ICA1: variants seen among roughly 807,000 people sequenced by gnomAD.
ICA1 encodes 69 kDa islet cell autoantigen.
A neutral mutation model predicts 71.0 loss-of-function variants in ICA1; 40 were observed. The ratio of observed to expected loss-of-function variants is 0.56; its 90% CI spans 0.44 to 0.73. The LOEUF (loss-of-function observed/expected upper bound fraction) is 0.73, where lower values mean the gene tolerates loss of function less well. ICA1 is among the 30% of genes least tolerant of loss of function. The pLI is 0.00. For synonymous variants in ICA1, 207 were observed against 209.5 expected, an observed-to-expected ratio of 0.99 and a Z score of 0.10; for missense variants, 578 against 576.5, an observed-to-expected ratio of 1.00 and a Z score of -0.03.
chr7:8,134,640 C>A (rs116210118), intron 12 of ICA1, among the ~76,000 whole-genome samples: 5,429 of 152,104 alleles, frequency 0.036, 110 homozygotes, highest in Middle Eastern at 0.075. Flanking sequence ...TCACATCGCC[C>A]AAAGAGAGTA....
rs931315591 is a variant in ICA1, at chr7:8,153,039, G to A, written c.804+4077C>T. 4.0e-5 allele frequency among the ~76,000 whole-genome samples: 6 copies of A among 151,524 alleles called. No individual in the cohort carries two copies. In the East Asian group the frequency reaches 5.9e-4, roughly 15 times the overall value. ...TGCTTTCACCTCCTTTGTCACCACC[G>A]CTGCCATCACCAGCATCACCAACAC... On this transcript the variant is annotated intron_variant, in intron 8 of 13. Transcript: ENST00000402384.
chr7:8,138,722 A>C (rs1794207403), intron 12 of ICA1, 118 bp downstream of exon 12: 2 of 841,970 alleles, frequency 2.4e-6, no homozygotes, highest in African/African-American at 1.7e-5. Flanking sequence ...GTCACCCAAA[A>C]AACTTTCCTT....
At chr7:8,199,092 A>T (rs1168544220) in intron 6 of ICA1, among the ~76,000 whole-genome samples, 2 of 152,246 alleles carry the variant, frequency 1.3e-5, no homozygotes, top group African/African-American at 4.8e-5. Context: ...GACAGGCAAT[A>T]ACAAATTCTG....
At chr7:8,152,117 G>A (rs948979133) in intron 8 of ICA1, among the ~76,000 whole-genome samples, 11 of 152,096 alleles carry the variant, frequency 7.2e-5, no homozygotes, top group African/African-American at 1.7e-4. Flanking sequence ...CCAGACCAAG[G>A]TCTGCAAAGC....
chr7:8,199,310 G>A (rs1235811280), intron 6 of ICA1, among the ~76,000 whole-genome samples: 2 of 152,214 alleles, frequency 1.3e-5, no homozygotes, highest in Non-Finnish European at 2.9e-5. Flanking sequence ...GCTCTTGGCT[G>A]TTCACTACAG....
chr7:8,114,120 C>A, intron 13 of ICA1, 76 bp from the exon 14 acceptor site: 1 of 1,478,936 alleles, frequency 6.8e-7, no homozygotes, highest in South Asian at 1.1e-5. Context: ...GCAGGCAGGT[C>A]CAGGTCATCT....
At chr7:8,232,489 T>C in intron 3 of ICA1, 101 bp downstream of exon 3, 1 of 1,028,050 alleles carries the variant, frequency 9.7e-7, no homozygotes, top group Non-Finnish European at 1.3e-6. Flanking sequence ...TTCCTCATTT[T>C]CAAATACAAA....
At chr7:8,139,103 A>T in intron 10 of ICA1, 56 bp from the exon 11 acceptor site, 1 of 1,358,466 alleles carries the variant, frequency 7.4e-7, no homozygotes, top group Non-Finnish European at 1.1e-6. Flanking sequence ...GTGCATGTTC[A>T]TACGCTATTG....
intron 1 of ICA1, among the ~76,000 whole-genome samples, chr7:8,259,707 T>G (rs1263133680): frequency 2.0e-5 from 3 of 152,146 alleles, no homozygotes; most frequent in Non-Finnish European, 2.9e-5. Flanking sequence ...CACGGCTAGT[T>G]AGGTGTTACC....
intron 6 of ICA1, among the ~76,000 whole-genome samples, chr7:8,166,189 T>C (rs1321549141): frequency 2.6e-5 from 4 of 152,156 alleles, no homozygotes; most frequent in Non-Finnish European, 5.9e-5. Context: ...TAATTATTAA[T>C]AATGGCCTAT....
intron 1 of ICA1, among the ~76,000 whole-genome samples, chr7:8,256,622 C>A (rs1810302954): frequency 6.6e-6 from 1 of 152,220 alleles, no homozygotes; most frequent in South Asian, 2.1e-4. Context: ...GTCTTGCACT[C>A]CAGACCTCCC....
chr7:8,119,489 T>C (rs892948402), intron 13 of ICA1, among the ~76,000 whole-genome samples: 4 of 152,352 alleles, frequency 2.6e-5, no homozygotes, highest in Admixed American at 1.3e-4. Context: ...TCCCATCATG[T>C]AATGTGCGTG....
intron 12 of ICA1, among the ~76,000 whole-genome samples, chr7:8,131,749 G>C (rs1329704243): frequency 1.3e-5 from 2 of 152,202 alleles, no homozygotes; most frequent in African/African-American, 2.4e-5. Flanking sequence ...TCTGTAACCA[G>C]ACAAGTTGAG....
intron 1 of ICA1, among the ~76,000 whole-genome samples, chr7:8,256,655 T>C (rs368309110): frequency 6.6e-6 from 1 of 152,232 alleles, no homozygotes; most frequent in East Asian, 1.9e-4. Context: ...AACTGCTCCA[T>C]ACTGGTGGTG....
intron 1 of ICA1, among the ~76,000 whole-genome samples, chr7:8,260,444 A>G (rs1406670438): frequency 6.6e-6 from 1 of 152,176 alleles, no homozygotes; most frequent in Non-Finnish European, 1.5e-5. Flanking sequence ...TTAGCACTCA[A>G]TGATCCACGG....
chr7:8,182,669 G>A (rs1371554991), intron 6 of ICA1, among the ~76,000 whole-genome samples: 3 of 151,986 alleles, frequency 2.0e-5, no homozygotes, highest in Non-Finnish European at 4.4e-5. Context: ...ATTAAAGAAG[G>A]TCATCCTTTC....
chr7:8,224,270 G>T (rs978980345), intron 4 of ICA1, among the ~76,000 whole-genome samples: 4 of 152,100 alleles, frequency 2.6e-5, no homozygotes, highest in African/African-American at 9.7e-5. Context: ...TATGAGAGCA[G>T]GGACCTTCCA....
At chr7:8,244,148 A>C (rs958739696) in intron 1 of ICA1, among the ~76,000 whole-genome samples, 2 of 152,242 alleles carry the variant, frequency 1.3e-5, no homozygotes, top group Non-Finnish European at 2.9e-5. Flanking sequence ...ACGCTACCTG[A>C]CTTCAAACTA....
chr7:8,171,993 A>C (rs1808538056), intron 6 of ICA1, among the ~76,000 whole-genome samples: 1 of 151,978 alleles, frequency 6.6e-6, no homozygotes, highest in Non-Finnish European at 1.5e-5. Context: ...ATTTTTAAAA[A>C]TTTATTCAGA....
Sources: gnomAD v4.1 joint callset for allele counts (sites outside exome capture counted in the v4.1 genomes callset) on GRCh38, gnomAD v4.1.1 for gene constraint, MANE v1.5 for transcripts, NCBI Gene and HGNC (gene_info 2026-07-23, HGNC 2026-07-21) for gene names.